The following FRMD4A variants were observed in gnomAD, a reference collection of about 807,000 sequenced individuals.
FRMD4A encodes FERM domain containing 4A.
In FRMD4A, 29 loss-of-function variants were observed where a neutral mutation model predicts 129.1. That is an observed-to-expected ratio of 0.22 (90% CI 0.17 to 0.31). The LOEUF is 0.31. Among genes scored for constraint, FRMD4A ranks in the 10% least tolerant of loss-of-function variants. The pLI is 1.00. For missense variants in FRMD4A, 1,272 were observed against 1,375.8 expected, an observed-to-expected ratio of 0.92 and a Z score of 1.19; for synonymous variants, 634 against 571.6, an observed-to-expected ratio of 1.11 and a Z score of -1.56.
chr10:13,910,406 A>G (rs1200241356), intron 2 of FRMD4A, among the ~76,000 whole-genome samples: 1 of 152,174 alleles, frequency 6.6e-6, no homozygotes, highest in Non-Finnish European at 1.5e-5. Context: ...TTGACTTGCA[A>G]CTGACCACAG....
Position 13,981,232 on chromosome 10 carries a change from G to C in FRMD4A, c.46-122320C>G, listed in dbSNP as rs116550368. 2.6e-3 allele frequency among the ~76,000 whole-genome samples: 397 copies of C among 152,306 alleles called. 1 individual carries two copies. The highest frequency in any genetic ancestry group is 8.9e-3 in the African/African-American group (370 of 41,560). Reference sequence around the variant, plus strand: ...GAAAACCAAGAACTATCATGGGTTGGAGGTCCAGGGAAGTTGTGGAAGTCA... The same window carrying C: ...GAAAACCAAGAACTATCATGGGTTGCAGGTCCAGGGAAGTTGTGGAAGTCA... On this transcript the variant is annotated intron_variant, in intron 2 of 24. Transcript: ENST00000357447.
At chr10:14,250,457 T>G (rs1324807666) in intron 2 of FRMD4A, among the ~76,000 whole-genome samples, 1 of 152,190 alleles carries the variant, frequency 6.6e-6, no homozygotes, top group Non-Finnish European at 1.5e-5. Flanking sequence ...AAAAGGATTT[T>G]CCAATTAAGG....
At chr10:13,942,264 A>G (rs1362505812) in intron 2 of FRMD4A, among the ~76,000 whole-genome samples, 1 of 152,204 alleles carries the variant, frequency 6.6e-6, no homozygotes, top group Non-Finnish European at 1.5e-5. Flanking sequence ...CATCGCAGGC[A>G]CTGTCTTGAC....
chr10:14,131,881 A>T (rs1380729051), intron 2 of FRMD4A, among the ~76,000 whole-genome samples: 1 of 152,076 alleles, frequency 6.6e-6, no homozygotes, highest in African/African-American at 2.4e-5. Flanking sequence ...CTTCATCCTG[A>T]TCAAAACACC....
intron 2 of FRMD4A, among the ~76,000 whole-genome samples, chr10:14,217,557 C>T (rs1843113300): frequency 6.6e-6 from 1 of 152,220 alleles, no homozygotes; most frequent in South Asian, 2.1e-4. Context: ...CACTAAACCT[C>T]TTTTTCTTTA....
intron 4 of FRMD4A, among the ~76,000 whole-genome samples, chr10:13,806,016 C>T (rs544256038): frequency 2.0e-5 from 3 of 152,260 alleles, no homozygotes; most frequent in African/African-American, 7.2e-5. Flanking sequence ...TACTACCACA[C>T]CCATTTAATT....
intron 2 of FRMD4A, among the ~76,000 whole-genome samples, chr10:14,084,241 G>C (rs961107690): frequency 6.6e-6 from 1 of 152,162 alleles, no homozygotes; most frequent in Non-Finnish European, 1.5e-5. Context: ...CCGCCTCCTG[G>C]GTTCAAGTGA....
chr10:13,888,234 G>A (rs911480142), intron 2 of FRMD4A, among the ~76,000 whole-genome samples: 1 of 152,180 alleles, frequency 6.6e-6, no homozygotes, highest in Admixed American at 6.5e-5. Flanking sequence ...AGATTTTTTA[G>A]CAGCCACTTT....
chr10:13,717,777 C>G (rs1429864276), intron 12 of FRMD4A, among the ~76,000 whole-genome samples: 1 of 146,214 alleles, frequency 6.8e-6, no homozygotes, highest in Non-Finnish European at 1.5e-5. Flanking sequence ...TATCCAGAGA[C>G]GTGGCATCAT....
At chr10:14,115,365 A>G (rs192703598) in intron 2 of FRMD4A, among the ~76,000 whole-genome samples, 213 of 152,298 alleles carry the variant, frequency 1.4e-3, no homozygotes, top group Non-Finnish European at 2.3e-3. Flanking sequence ...AGCTCTCACA[A>G]AATCACAAAT....
intron 3 of FRMD4A, among the ~76,000 whole-genome samples, chr10:13,857,227 C>G (rs2094225691): frequency 6.6e-6 from 1 of 151,952 alleles, no homozygotes; most frequent in African/African-American, 2.4e-5. Flanking sequence ...TAAATATACT[C>G]AAATGGGGAA....
At chr10:13,826,308 C>A (rs1487859175) in intron 3 of FRMD4A, among the ~76,000 whole-genome samples, 1 of 152,208 alleles carries the variant, frequency 6.6e-6, no homozygotes, top group Non-Finnish European at 1.5e-5. Context: ...ATGAATAAAT[C>A]ATCACTACAC....
intron 3 of FRMD4A, among the ~76,000 whole-genome samples, chr10:13,828,859 T>C (rs532970649): frequency 3.9e-5 from 6 of 152,330 alleles, no homozygotes; most frequent in South Asian, 4.2e-4. Flanking sequence ...CAAGTGTCCA[T>C]TGATGGACAC....
intron 2 of FRMD4A, among the ~76,000 whole-genome samples, chr10:13,912,941 T>A (rs1255091701): frequency 6.6e-6 from 1 of 151,816 alleles, no homozygotes; most frequent in Non-Finnish European, 1.5e-5. Context: ...GGTGTGGTGG[T>A]GTGTGCCTGT....
chr10:14,218,515 CAT>C (rs1175147964), intron 2 of FRMD4A, among the ~76,000 whole-genome samples: 3 of 152,170 alleles, frequency 2.0e-5, no homozygotes, highest in Admixed American at 2.0e-4. Flanking sequence ...CATGTCATCT[CAT>C]GTGATTCGCT....
At chr10:13,921,270 C>CTCTTTCTCTCTTTCTCTCTTTCTCTCTT (rs71388133) in intron 2 of FRMD4A, among the ~76,000 whole-genome samples, 5 of 148,082 alleles carry the variant, frequency 3.4e-5, no homozygotes, top group Admixed American at 2.1e-4. Context: ...CTCTCTTTCT[C>CTCTTTCTCTCTTTCTCTCTTTCTCTCTT]TCTTTCTTTC....
At chr10:13,877,739 G>A (rs2094502733) in intron 2 of FRMD4A, among the ~76,000 whole-genome samples, 1 of 152,236 alleles carries the variant, frequency 6.6e-6, no homozygotes, top group African/African-American at 2.4e-5. Context: ...TGCATGAGCT[G>A]TGCTGGCAGA....
intron 2 of FRMD4A, among the ~76,000 whole-genome samples, chr10:13,962,628 A>G (rs2095453200): frequency 6.6e-6 from 1 of 152,194 alleles, no homozygotes; most frequent in Non-Finnish European, 1.5e-5. Context: ...CAAATTAAGT[A>G]AAACCCTGGC....
intron 2 of FRMD4A, among the ~76,000 whole-genome samples, chr10:13,864,590 T>TG (rs2131059203): frequency 6.6e-6 from 1 of 151,078 alleles, no homozygotes; most frequent in South Asian, 2.1e-4. Context: ...TTTTTTTTTT[T>TG]TTTGAGCCAG....
Sources: allele counts gnomAD v4.1 joint callset (sites outside exome capture counted in the v4.1 genomes callset), GRCh38; gene constraint gnomAD v4.1.1; transcripts MANE v1.5; gene names NCBI Gene and HGNC (gene_info 2026-07-23, HGNC 2026-07-21).